FHIT: variants seen among roughly 807,000 people sequenced by gnomAD.
FHIT encodes fragile histidine triad diadenosine triphosphatase.
A neutral mutation model predicts 17.9 loss-of-function variants in FHIT; 19 were observed. That is an observed-to-expected ratio of 1.06 (90% CI 0.74 to 1.56). The LOEUF (loss-of-function observed/expected upper bound fraction) is 1.56. Among genes scored for constraint, FHIT ranks in the 40% most tolerant of loss-of-function variants. The pLI is 0.00. For missense variants in FHIT, 248 were observed against 189.2 expected (o/e 1.31, Z -1.82); for synonymous variants, 81 against 69.7 (o/e 1.16, Z -0.81).
intron 5 of FHIT, among the ~76,000 whole-genome samples, chr3:60,255,948 C>A (rs990589390): frequency 4.6e-5 from 7 of 152,258 alleles, no homozygotes; most frequent in African/African-American, 1.4e-4. Context: ...GGGATCTCAG[C>A]CCCTAAGTGA....
At chr3:60,744,877 AC>A (rs1456301929) in intron 4 of FHIT, among the ~76,000 whole-genome samples, 1 of 152,196 alleles carries the variant, frequency 6.6e-6, no homozygotes, top group African/African-American at 2.4e-5. Flanking sequence ...TTTATTAGGT[AC>A]CTTTTAAGCA....
chr3:60,669,046 CTTA>C (rs1553693225), intron 4 of FHIT, among the ~76,000 whole-genome samples: 1 of 152,068 alleles, frequency 6.6e-6, no homozygotes. Flanking sequence ...CCTTTTAGAT[CTTA>C]TTATAATTAT....
chr3:60,233,120 T>G (rs149057166), intron 5 of FHIT, among the ~76,000 whole-genome samples: 8 of 152,270 alleles, frequency 5.3e-5, no homozygotes, highest in African/African-American at 1.4e-4. Flanking sequence ...AATGGGTACA[T>G]TGGGAGTCAC....
At chr3:60,141,325 C>A (rs1700030171) in intron 5 of FHIT, among the ~76,000 whole-genome samples, 1 of 150,842 alleles carries the variant, frequency 6.6e-6, no homozygotes, top group South Asian at 2.1e-4. Flanking sequence ...TGATTACTTA[C>A]AGTTTCCTCC....
Position 60,356,305 on chromosome 3 carries a change from T to C in FHIT, c.103+180555A>G, listed in dbSNP as rs572788989. 2.4e-4 allele frequency among the ~76,000 whole-genome samples: 36 copies of C among 152,304 alleles called. No homozygotes were observed. The South Asian group carries it at 6.2e-3, about 26-fold the overall frequency. On this transcript the variant is annotated intron_variant, in intron 5 of 9. Coordinates refer to ENST00000492590, the MANE Select transcript of FHIT (RefSeq NM_002012.4). ...CATTGTAGAACAGATTGAGTTCAAC[T>C]GTGGTTTTTTTACTTGCCCAAGTTC...
At chr3:60,834,400 A>C (rs1234609577) in intron 3 of FHIT, among the ~76,000 whole-genome samples, 1 of 152,068 alleles carries the variant, frequency 6.6e-6, no homozygotes, top group Non-Finnish European at 1.5e-5. Context: ...CATCTGTATA[A>C]CCTCTTCAGT....
chr3:60,296,506 T>C (rs977376919), intron 5 of FHIT, among the ~76,000 whole-genome samples: 16 of 152,130 alleles, frequency 1.1e-4, no homozygotes, highest in Non-Finnish European at 2.1e-4. Context: ...GGTTTGTCTT[T>C]TTTGTTGTTG....
chr3:60,229,844 T>C (rs1433923156), intron 5 of FHIT, among the ~76,000 whole-genome samples: 1 of 152,138 alleles, frequency 6.6e-6, no homozygotes, highest in African/African-American at 2.4e-5. Flanking sequence ...TAGCCAGGCA[T>C]GGTGATGCAC....
intron 8 of FHIT, among the ~76,000 whole-genome samples, chr3:59,789,678 T>C (rs1408115026): frequency 6.6e-6 from 1 of 152,176 alleles, no homozygotes; most frequent in East Asian, 1.9e-4. Flanking sequence ...TTTCTAGTCT[T>C]TTTAGGGGAT....
At chr3:60,162,957 A>G (rs6446115) in intron 5 of FHIT, among the ~76,000 whole-genome samples, 128,729 of 152,148 alleles carry the variant, frequency 0.85, 54,864 homozygotes, top group African/African-American at 0.92. Context: ...GTTCTTCCAG[A>G]GTACAGAGCA....
chr3:60,143,104 A>G (rs1033084579), intron 5 of FHIT, among the ~76,000 whole-genome samples: 1 of 152,190 alleles, frequency 6.6e-6, no homozygotes, highest in Non-Finnish European at 1.5e-5. Context: ...CTAAATGCCC[A>G]GAAAGAGAGA....
intron 5 of FHIT, among the ~76,000 whole-genome samples, chr3:60,156,090 A>G (rs965753177): frequency 6.6e-6 from 1 of 152,192 alleles, no homozygotes; most frequent in African/African-American, 2.4e-5. Context: ...GTGGGGGCTC[A>G]TGCCTGTAAT....
intron 2 of FHIT, among the ~76,000 whole-genome samples, chr3:61,147,601 C>A (rs904863926): frequency 1.3e-5 from 2 of 151,446 alleles, no homozygotes; most frequent in Admixed American, 6.6e-5. Flanking sequence ...ATGGCTATTC[C>A]CCGAAGATAA....
chr3:60,537,040 C>T (rs1559521901), intron 4 of FHIT, 61 bp from the exon 5 acceptor site: 10 of 1,418,170 alleles, frequency 7.1e-6, no homozygotes, highest in East Asian at 2.4e-5. Context: ...TCATATACCA[C>T]CTTAAAGAAA....
intron 5 of FHIT, among the ~76,000 whole-genome samples, chr3:60,154,636 C>G (rs375863020): frequency 1.6e-4 from 24 of 152,246 alleles, no homozygotes; most frequent in East Asian, 1.5e-3. Flanking sequence ...CAAATATGCT[C>G]TTCGTGGTGC....
intron 8 of FHIT, among the ~76,000 whole-genome samples, chr3:59,784,794 G>C (rs1455155810): frequency 6.6e-6 from 1 of 152,152 alleles, no homozygotes; most frequent in East Asian, 1.9e-4. Context: ...AATCTAGTTG[G>C]CATTTAATAA....
At chr3:60,050,119 C>T (rs1701812226) in intron 5 of FHIT, among the ~76,000 whole-genome samples, 1 of 152,112 alleles carries the variant, frequency 6.6e-6, no homozygotes, top group Admixed American at 6.6e-5. Context: ...ATTTTGAATT[C>T]ACATCTTTTA....
At chr3:60,012,502 C>G (rs551480550) in intron 6 of FHIT, among the ~76,000 whole-genome samples, 2 of 151,954 alleles carry the variant, frequency 1.3e-5, no homozygotes, top group Non-Finnish European at 2.9e-5. Context: ...CTCCTGAGCT[C>G]AAGAGAGCTG....
chr3:60,164,079 C>T (rs1273159751), intron 5 of FHIT, among the ~76,000 whole-genome samples: 1 of 152,118 alleles, frequency 6.6e-6, no homozygotes, highest in African/African-American at 2.4e-5. Context: ...GAATTTCTCC[C>T]TAAAAAAGGT....
Sources: gnomAD v4.1 joint callset for allele counts (sites outside exome capture counted in the v4.1 genomes callset) on GRCh38, gnomAD v4.1.1 for gene constraint, MANE v1.5 for transcripts, NCBI Gene and HGNC (gene_info 2026-07-23, HGNC 2026-07-21) for gene names.